Variants in C14orf132 observed in about 807,000 individuals in gnomAD.
C14orf132 encodes the protein uncharacterized protein C14orf132.
Under a neutral mutation model 5.8 loss-of-function variants are expected in C14orf132, and 6 were observed. The observed-to-expected ratio is 1.03, with a 90% CI of 0.57 to 2.04. C14orf132 has a LOEUF of 2.04. Ranked by LOEUF, C14orf132 falls within the 30% of genes most tolerant of loss-of-function variation. The pLI is 0.00. For synonymous variants in C14orf132, 51 were observed against 49.8 expected, an observed-to-expected ratio of 1.02 and a Z score of -0.10; for missense variants, 125 against 115.8, an observed-to-expected ratio of 1.08 and a Z score of -0.37.
chr14:96,078,656 C>A (rs1363668234), intron 1 of C14orf132, among the ~76,000 whole-genome samples: 2 of 152,164 alleles, frequency 1.3e-5, no homozygotes, highest in Non-Finnish European at 2.9e-5. Flanking sequence ...GGAACAGATC[C>A]AGCAAAAGAA....
chr14:96,086,734 G>A lies in C14orf132; in HGVS notation c.251G>A (p.Ter84=). Residue 84 remains the stop codon, a stop_retained_variant, in exon 2 of 2, where the codon TGA becomes TAA. Transcript: ENST00000555004. ...GGCGTGGTGTATGCCTTCACCTTCT[G>A]AGGACGGCACACCCTGCACCACCAT... is the stretch of plus-strand genomic sequence containing the variant. ...VVGVVYAFTF[*] 1.3e-6 allele frequency: 2 copies of A among 1,535,984 alleles called. No individual in the cohort carries two copies. Among genetic ancestry groups the A allele is most frequent in the Non-Finnish European group, 1.7e-6 (2 of 1,146,814 alleles).
At chr14:96,078,984 T>C (rs1006547701) in intron 1 of C14orf132, among the ~76,000 whole-genome samples, 2 of 152,234 alleles carry the variant, frequency 1.3e-5, no homozygotes, top group Non-Finnish European at 2.9e-5. Flanking sequence ...TACCTAGCCA[T>C]GCACCTTCCA....
chr14:96,043,727 C>T (rs187809843), intron 1 of C14orf132, among the ~76,000 whole-genome samples: 40 of 152,256 alleles, frequency 2.6e-4, no homozygotes, highest in African/African-American at 9.1e-4. Flanking sequence ...CCCACTTCTC[C>T]CTCCCTGGAT....
chr14:96,050,787 G>T (rs1444336558), intron 1 of C14orf132, among the ~76,000 whole-genome samples: 1 of 152,000 alleles, frequency 6.6e-6, no homozygotes, highest in Non-Finnish European at 1.5e-5. Flanking sequence ...TCTCTCGAGG[G>T]TCACTGTCCT....
rs1241893562 is a variant in C14orf132 at position 96,093,667 on chromosome 14, T to G, written c.*6932T>G. 6.6e-6 allele frequency: 1 copy of G among 152,228 alleles called. No individual in the cohort carries two copies. The highest frequency in any genetic ancestry group is 1.5e-5 in the Non-Finnish European group (1 of 68,050). 9.4% of individuals were successfully genotyped at this position (152,228 alleles called of 1,614,324 possible). A position where few individuals can be genotyped will look rare whatever the true frequency, so the allele number is the denominator to read the frequency against. On this transcript the variant is annotated 3_prime_UTR_variant, in exon 2 of 2. Coordinates refer to ENST00000555004, the MANE Select transcript of C14orf132 (RefSeq NM_001252507.3). ...TTCATAAAAGGTATTTTAACTATTC[T>G]TGGAGTCCTTTGCTACCCAAGCACC...
intron 1 of C14orf132, among the ~76,000 whole-genome samples, chr14:96,084,634 T>C (rs1308477785): frequency 2.0e-5 from 3 of 152,194 alleles, no homozygotes; most frequent in Non-Finnish European, 4.4e-5. Context: ...TAATAGAATA[T>C]GTTATACATA....
rs1175606440 is a variant in C14orf132, at chr14:96,090,471, T to G, written c.*3736T>G. On this transcript the variant is annotated 3_prime_UTR_variant, in exon 2 of 2. Transcript: ENST00000555004. Reference sequence around the variant, plus strand: ...TTGTGAGTGGCCACCACTGAAGGTCTTTGAGAAGAGGCCAGACGCCGCTGT... The same window carrying G: ...TTGTGAGTGGCCACCACTGAAGGTCGTTGAGAAGAGGCCAGACGCCGCTGT... 5.5e-6 allele frequency: 2 copies of G among 365,246 alleles called. No homozygotes were observed. The highest frequency in any genetic ancestry group is 2.1e-5 in the South Asian group (1 of 47,924). The allele number at this position is 365,246 out of a possible 1,614,324, so 22.6% of individuals were successfully genotyped here.
chr14:96,040,215 C>T (rs865775163), intron 1 of C14orf132: 4 of 377,930 alleles, frequency 1.1e-5, no homozygotes, highest in African/African-American at 8.4e-5. Context: ...CGGCAGAATG[C>T]CCTGGAGTTC....
chr14:96,052,802 G>C (rs934072263), intron 1 of C14orf132, among the ~76,000 whole-genome samples: 1 of 152,002 alleles, frequency 6.6e-6, no homozygotes, highest in African/African-American at 2.4e-5. Context: ...CAGGCATTCT[G>C]CGCAGTACCC....
chr14:96,046,965 C>G (rs973276787), intron 1 of C14orf132, among the ~76,000 whole-genome samples: 1 of 152,188 alleles, frequency 6.6e-6, no homozygotes, highest in South Asian at 2.1e-4. Flanking sequence ...AGTTGTCGGT[C>G]CCCAGAGGAA....
chr14:96,072,159 T>TC (rs1404349399), intron 1 of C14orf132, among the ~76,000 whole-genome samples: 1 of 152,240 alleles, frequency 6.6e-6, no homozygotes, highest in Non-Finnish European at 1.5e-5. Flanking sequence ...TTCCGAGCAC[T>TC]TCCTCAGGAG....
chr14:96,043,054 G>A (rs969268693), intron 1 of C14orf132, among the ~76,000 whole-genome samples: 1 of 152,152 alleles, frequency 6.6e-6, no homozygotes, highest in Non-Finnish European at 1.5e-5. Context: ...TGCATTCCCT[G>A]TCTCCCTCCT....
chr14:96,069,183 A>ATATATATATATATAGG (rs372630503), intron 1 of C14orf132, among the ~76,000 whole-genome samples: 1 of 134,268 alleles, frequency 7.4e-6, no homozygotes, highest in Non-Finnish European at 1.6e-5. Flanking sequence ...ATATATGTAT[A>ATATATATATATATAGG]TATATATATA....
intron 1 of C14orf132, among the ~76,000 whole-genome samples, chr14:96,050,478 T>C (rs527824292): frequency 2.6e-5 from 4 of 152,246 alleles, no homozygotes; most frequent in African/African-American, 9.6e-5. Flanking sequence ...TTCTATAATT[T>C]TTTGGGTGAT....
intron 1 of C14orf132, among the ~76,000 whole-genome samples, chr14:96,058,299 T>C (rs561474134): frequency 6.6e-6 from 1 of 152,324 alleles, no homozygotes; most frequent in East Asian, 1.9e-4. Flanking sequence ...TTCTGTGACC[T>C]GATGCTATTT....
intron 1 of C14orf132, among the ~76,000 whole-genome samples, chr14:96,047,373 A>G (rs1317406071): frequency 6.6e-6 from 1 of 152,172 alleles, no homozygotes; most frequent in East Asian, 1.9e-4. Flanking sequence ...TCTCCAATGA[A>G]ATGCTTGAGT....
chr14:96,080,742 T>C (rs1409501497), intron 1 of C14orf132, among the ~76,000 whole-genome samples: 1 of 152,034 alleles, frequency 6.6e-6, no homozygotes, highest in Non-Finnish European at 1.5e-5. Flanking sequence ...TGCTGTCCCA[T>C]TTTCCACAAT....
At position 96,093,123 on chromosome 14, in the gene C14orf132, G is replaced by C. The variant is rs768406895; in HGVS notation, c.*6388G>C. ...GCAGTGATCATGGTCACTGCCCTGC[G>C]TTCAAATAATGCGAGCTGAGGACAG... On this transcript the variant is annotated 3_prime_UTR_variant, in exon 2 of 2. Coordinates refer to ENST00000555004, the MANE Select transcript of C14orf132 (RefSeq NM_001252507.3). 6.6e-6 allele frequency: 1 copy of C among 152,224 alleles called. No individual in the cohort carries two copies. The highest frequency in any genetic ancestry group is 1.5e-5 in the Non-Finnish European group (1 of 68,052). 9.4% of individuals were successfully genotyped at this position (152,224 alleles called of 1,614,324 possible).
In C14orf132 at chr14:96,060,077, C is replaced by G. The variant is rs1019792261; in HGVS notation, c.27+20550C>G. Among the ~76,000 whole-genome samples the G allele has an allele frequency of 4.6e-5, 7 of 152,364 alleles. No homozygotes were observed. In the East Asian group the frequency reaches 9.6e-4, roughly 21 times the overall value. On this transcript the variant is annotated intron_variant, in intron 1 of 1. Transcript: ENST00000555004. ...GATTCAGAATCCCCTTCCCACAAAG[C>G]CAGGTGCCTGGATCCCACATGCTAA...
Sources: gnomAD v4.1 joint callset for allele counts (sites outside exome capture counted in the v4.1 genomes callset) on GRCh38, gnomAD v4.1.1 for gene constraint, MANE v1.5 for transcripts, NCBI Gene and HGNC (gene_info 2026-07-23, HGNC 2026-07-21) for gene names.